TBC1D26: variants seen among roughly 807,000 people sequenced by gnomAD.
TBC1D26 encodes the protein TBC1 domain family member 26.
A neutral mutation model predicts 42.5 loss-of-function variants in TBC1D26; 19 were observed. That is an observed-to-expected ratio of 0.45 (90% CI 0.31 to 0.66). The LOEUF is 0.66. TBC1D26 is among the 30% of genes least tolerant of loss of function. The pLI, the probability that TBC1D26 is intolerant of heterozygous loss-of-function variation, is 0.06. For synonymous variants in TBC1D26, 97 were observed against 123.5 expected (o/e 0.79, Z 1.42); for missense variants, 228 against 332.6 (o/e 0.69, Z 2.45).
chr17:15,736,924 A>T (rs1448758764), intron 4 of TBC1D26, among the ~76,000 whole-genome samples: 33 of 152,308 alleles, frequency 2.2e-4, no homozygotes, highest in African/African-American at 7.9e-4. Flanking sequence ...ATGGGGGAAG[A>T]TGGGGAGCAG....
chr17:15,734,540 G>T (rs1266949968), intron 1 of TBC1D26, among the ~76,000 whole-genome samples: 1 of 151,926 alleles, frequency 6.6e-6, no homozygotes, highest in Non-Finnish European at 1.5e-5. Flanking sequence ...TGGTCAAAGA[G>T]CCTTGGGGAC....
chr17:15,741,302 C>T lies in TBC1D26; in HGVS notation c.646+81C>T, dbSNP rs374397294. 69 of 1,599,036 alleles carry T rather than the reference C, an allele frequency of 4.3e-5. No individual in the cohort carries two copies. In the Admixed American group the frequency reaches 8.0e-4, roughly 19 times the overall value. On this transcript the variant is annotated intron_variant, in intron 10 of 14. Transcript: ENST00000437605. ...CATGCCAGGGGACAGCCACCCTGGC[C>T]GGTGACCCTGACTTCCAGGCAAGGT...
intron 10 of TBC1D26, 58 bp downstream of exon 10, chr17:15,741,279 T>C (rs1397760581): frequency 6.2e-7 from 1 of 1,609,674 alleles, no homozygotes; most frequent in South Asian, 1.1e-5. Context: ...TACACAGCCA[T>C]GCCAGGGGAC....
In TBC1D26 at chr17:15,738,373, C is replaced by T; in HGVS notation, c.373C>T (p.Pro125Ser). 1.2e-6 allele frequency: 2 copies of T among 1,613,678 alleles called. No homozygotes were observed. The highest frequency in any genetic ancestry group is 1.7e-6 in the Non-Finnish European group (2 of 1,180,020). ...LDIDRIKSQN[P>S]GKYKVMKEKG... Reference sequence around the variant, plus strand: ...TATTGACAGAATCAAGTCCCAGAACCCAGGCAAATATAAGGTAAGTCCCTC... The same window carrying T: ...TATTGACAGAATCAAGTCCCAGAACTCAGGCAAATATAAGGTAAGTCCCTC... Residue 125 changes from proline (P) to serine (S), a missense_variant, in exon 7 of 15, where the codon CCA becomes TCA. By Grantham distance (74) the Pro-to-Ser change is moderately conservative. Transcript: ENST00000437605.
At chr17:15,737,241 ACC>A (rs2151499001) in intron 4 of TBC1D26, among the ~76,000 whole-genome samples, 1 of 152,218 alleles carries the variant, frequency 6.6e-6, no homozygotes, top group South Asian at 2.1e-4. Context: ...AGCCCAAGGC[ACC>A]CCACGGGCTT....
chr17:15,738,055 C>A lies in TBC1D26; in HGVS notation c.257C>A (p.Thr86Lys). The change falls in exon 6 of 15, where the codon ACA (threonine) becomes AAA (lysine). Residue 86 changes from threonine to lysine, a missense_variant. Transcript: ENST00000437605. ...TGGCAAAAGATGCTTGCAGACTGGA[C>A]AAAATATAGGAGCACCAAGAAGGTA... ...NKWQKMLADWTKYRSTKKLSQ... is the reference protein window; with the variant it reads ...NKWQKMLADWKKYRSTKKLSQ... The A allele has an allele frequency of 6.2e-7, 1 of 1,614,198 alleles. No homozygotes were observed. Among genetic ancestry groups the A allele is most frequent in the Non-Finnish European group, 8.5e-7 (1 of 1,180,040 alleles).
At chr17:15,737,218 A>G (rs1437530289) in intron 4 of TBC1D26, among the ~76,000 whole-genome samples, 3 of 152,180 alleles carry the variant, frequency 2.0e-5, no homozygotes, top group African/African-American at 4.8e-5. Context: ...CAGGTGGAGC[A>G]GCACCATTGT....
At chr17:15,741,841 C>A in intron 10 of TBC1D26, 101 bp from the exon 11 acceptor site, 2 of 1,111,508 alleles carry the variant, frequency 1.8e-6, no homozygotes, top group Admixed American at 4.2e-5. Context: ...GGGAGGGAGG[C>A]CTCGGGGTCT....
Position 15,738,370 on chromosome 17 carries a change from A to G in TBC1D26, c.370A>G (p.Asn124Asp). 6.2e-7 allele frequency: 1 copy of G among 1,613,700 alleles called. No individual in the cohort carries two copies. The highest frequency in any genetic ancestry group is 8.5e-7 in the Non-Finnish European group (1 of 1,180,028). ...LLDIDRIKSQ[N>D]PGKYKVMKEK... ...AGATATTGACAGAATCAAGTCCCAGAACCCAGGCAAATATAAGGTAAGTCC... is the reference window on the plus strand; with the variant it reads ...AGATATTGACAGAATCAAGTCCCAGGACCCAGGCAAATATAAGGTAAGTCC... Residue 124 changes from asparagine to aspartate, a missense_variant, in exon 7 of 15, where the codon AAC becomes GAC. By Grantham distance (23) the Asn-to-Asp change is conservative (BLOSUM62 1). Transcript: ENST00000437605.
At chr17:15,742,138 C>T (rs1597758332) in intron 11 of TBC1D26, 102 bp downstream of exon 11, 2 of 956,766 alleles carry the variant, frequency 2.1e-6, no homozygotes, top group Admixed American at 2.5e-5. Context: ...TGAGTCCCAG[C>T]CACGGCCTGA....
intron 9 of TBC1D26, 118 bp from the exon 10 acceptor site, chr17:15,741,004 C>A (rs1967760674): frequency 7.3e-6 from 10 of 1,376,722 alleles, no homozygotes; most frequent in Non-Finnish European, 1.0e-5. Context: ...CCTCAAATCC[C>A]CTGGGGCCTG....
At chr17:15,739,836 AC>A (rs1967725247) in intron 8 of TBC1D26, among the ~76,000 whole-genome samples, 1 of 152,270 alleles carries the variant, frequency 6.6e-6, no homozygotes, top group Non-Finnish European at 1.5e-5. Flanking sequence ...GTGTGTGCAA[AC>A]TGAGAAAAAG....
chr17:15,738,704 T>C lies in TBC1D26; in HGVS notation c.388-17T>C. 1 of 1,613,972 alleles carries C rather than the reference T, an allele frequency of 6.2e-7. No homozygotes were observed. Among genetic ancestry groups the C allele is most frequent in the Non-Finnish European group, 8.5e-7 (1 of 1,179,876 alleles). ...TCTGTTCTGAGGCTGCTTCCTCCTC[T>C]TGGCCCTGCCCTACAGGTCATGAAG... On this transcript the variant is annotated splice_polypyrimidine_tract_variant and intron_variant, in intron 7 of 14. Coordinates refer to ENST00000437605, the MANE Select transcript of TBC1D26 (RefSeq NM_001388465.1).
intron 5 of TBC1D26, 186 bp downstream of exon 5, chr17:15,737,709 C>A: frequency 2.0e-6 from 2 of 983,814 alleles, no homozygotes; most frequent in East Asian, 5.2e-5. Context: ...AAACCAAGAA[C>A]TGCAGTCCTG....
intron 2 of TBC1D26, 32 bp from the exon 3 acceptor site, chr17:15,735,316 C>T (rs778604226): frequency 1.5e-5 from 24 of 1,607,868 alleles, no homozygotes; most frequent in African/African-American, 8.0e-5. Flanking sequence ...CTCTTGGGTG[C>T]GGGAGAGCCT....
At chr17:15,734,668 G>T (rs1342279300) in intron 1 of TBC1D26, 2 of 161,266 alleles carry the variant, frequency 1.2e-5, no homozygotes, top group South Asian at 1.4e-4. Flanking sequence ...TAGGACTAAG[G>T]CCCCAGCGTT....
At chr17:15,740,418 A>G in intron 9 of TBC1D26, 1 of 1,402,422 alleles carries the variant, frequency 7.1e-7, no homozygotes. Context: ...CCCACACAGG[A>G]TGGTCCTTGT....
At position 15,735,348 on chromosome 17, in the gene TBC1D26, G is replaced by A; in HGVS notation, c.-1G>A. ...GCCTTGGGATGACTTTGTCTTGCAG[G>A]ATGGAGATGGATGGGGACCCGTATA... is the stretch of plus-strand genomic sequence containing the variant. On this transcript the variant is annotated splice_region_variant and 5_prime_UTR_variant, in exon 3 of 15. Coordinates refer to ENST00000437605, the MANE Select transcript of TBC1D26 (RefSeq NM_001388465.1). 2.5e-6 allele frequency: 4 copies of A among 1,613,904 alleles called. No individual in the cohort carries two copies. The highest frequency in any genetic ancestry group is 3.4e-6 in the Non-Finnish European group (4 of 1,179,838).
At chr17:15,742,260 G>A (rs1459023092) in intron 11 of TBC1D26, among the ~76,000 whole-genome samples, 154 bp from the exon 12 acceptor site, 6 of 152,206 alleles carry the variant, frequency 3.9e-5, no homozygotes, top group African/African-American at 1.4e-4. Flanking sequence ...GCTAAAAGAA[G>A]TGTGTCCACC....
Sources: gnomAD v4.1 joint callset for allele counts (sites outside exome capture counted in the v4.1 genomes callset) on GRCh38, gnomAD v4.1.1 for gene constraint, MANE v1.5 for transcripts, NCBI Gene and HGNC (gene_info 2026-07-23, HGNC 2026-07-21) for gene names.